CNTNAP5: variants seen among roughly 807,000 people sequenced by gnomAD.
The protein encoded by CNTNAP5 is contactin associated protein family member 5, also known as contactin-associated protein-like 5.
In CNTNAP5, 72 loss-of-function variants were observed where a neutral mutation model predicts 150.2. That is an observed-to-expected ratio of 0.48 (90% CI 0.40 to 0.58). The LOEUF (loss-of-function observed/expected upper bound fraction) is 0.58. Ranked by LOEUF, CNTNAP5 falls within the 20% of genes least tolerant of loss-of-function variation. The probability of loss-of-function intolerance (pLI) is 0.00; values close to 1 mark genes in which losing one functional copy is unlikely to be tolerated. For missense variants in CNTNAP5, 1,636 were observed against 1,626.2 expected (o/e 1.01, Z -0.10); for synonymous variants, 672 against 619.8 (o/e 1.08, Z -1.25).
chr2:124,072,062 C>T (rs1037479560), intron 1 of CNTNAP5, among the ~76,000 whole-genome samples: 2 of 151,948 alleles, frequency 1.3e-5, no homozygotes, highest in East Asian at 1.9e-4. Flanking sequence ...CCCCATGATG[C>T]AAGCATGGTT....
chr2:124,750,536 C>A (rs1431509334), intron 14 of CNTNAP5, among the ~76,000 whole-genome samples: 1 of 152,174 alleles, frequency 6.6e-6, no homozygotes, highest in Non-Finnish European at 1.5e-5. Context: ...TTATCACTTA[C>A]TTAGTGCCTA....
intron 3 of CNTNAP5, among the ~76,000 whole-genome samples, chr2:124,376,008 T>C (rs1363076682): frequency 6.6e-6 from 1 of 152,058 alleles, no homozygotes; most frequent in Admixed American, 6.6e-5. Flanking sequence ...GAATCAGGTT[T>C]GGATGAGTAC....
chr2:124,560,297 C>T (rs1193752171), intron 10 of CNTNAP5, among the ~76,000 whole-genome samples: 1 of 152,070 alleles, frequency 6.6e-6, no homozygotes, highest in East Asian at 1.9e-4. Flanking sequence ...CACCTGAGGT[C>T]AGGAGTTCCA....
At position 124,221,420 on chromosome 2, in the gene CNTNAP5, C is replaced by A. The variant is rs543391642; in HGVS notation, c.83-285C>A. Among the ~76,000 whole-genome samples, 214 of 152,182 alleles carry A rather than the reference C, an allele frequency of 1.4e-3. 2 individuals carry two copies. Among genetic ancestry groups the A allele is most frequent in the South Asian group, 4.1e-3 (20 of 4,824 alleles). On this transcript the variant is annotated intron_variant, in intron 1 of 23. Transcript: ENST00000682447. ...AGTTGGGTTTTTGAGTCAGACAAAT[C>A]TAGGTGACAATTCTGGCTGCGCTAT...
intron 1 of CNTNAP5, among the ~76,000 whole-genome samples, chr2:124,070,021 A>T (rs1162495274): frequency 6.6e-6 from 1 of 152,162 alleles, no homozygotes; most frequent in Non-Finnish European, 1.5e-5. Context: ...AAAGAGAAAC[A>T]ATAAAAAGTT....
intron 8 of CNTNAP5, among the ~76,000 whole-genome samples, chr2:124,518,893 C>A (rs1207769288): frequency 6.7e-6 from 1 of 149,522 alleles, no homozygotes; most frequent in East Asian, 2.0e-4. Context: ...GGAGGCTGAG[C>A]CAGGAGAATC....
chr2:124,860,328 C>T (rs1475381087), intron 19 of CNTNAP5, among the ~76,000 whole-genome samples: 11 of 151,564 alleles, frequency 7.3e-5, no homozygotes, highest in East Asian at 3.9e-4. Context: ...CCAGTCTGGG[C>T]GACAGAGCGA....
chr2:124,715,293 T>A (rs12472896), intron 13 of CNTNAP5, among the ~76,000 whole-genome samples: 24,753 of 152,160 alleles, frequency 0.16, 2,288 homozygotes, highest in East Asian at 0.24. Context: ...TTAGATCTTG[T>A]TACTTAGAAA....
In CNTNAP5 at chr2:124,771,085, G is replaced by A. The variant is rs796848243; in HGVS notation, c.2534-1714G>A. Among the ~76,000 whole-genome samples, 26 of 152,264 alleles carry A rather than the reference G, an allele frequency of 1.7e-4. 1 individual carries two copies. The highest frequency in any genetic ancestry group is 6.0e-4 in the African/African-American group (25 of 41,550). ...TCAGATACTCAAAATTCTGTGTAAT[G>A]CGGACTTTGATGGAGGCTGCTTTCA... On this transcript the variant is annotated intron_variant, in intron 16 of 23. Coordinates refer to ENST00000682447, the MANE Select transcript of CNTNAP5 (RefSeq NM_001367498.1).
rs117710581 is a variant in CNTNAP5, at chr2:124,333,468, C to T, written c.382-83975C>T. On this transcript the variant is annotated intron_variant, in intron 3 of 23. Transcript: ENST00000682447. ...GCACAGAGAAAGAACATAAGTTTTT[C>T]CAAGAAGGTGTTTGGGTTTGTCAGG... 6.1e-3 allele frequency among the ~76,000 whole-genome samples: 927 copies of T among 152,026 alleles called. 3 individuals carry two copies. The highest frequency in any genetic ancestry group is 0.026 in the East Asian group (133 of 5,168).
At chr2:124,090,287 A>G (rs1682784020) in intron 1 of CNTNAP5, among the ~76,000 whole-genome samples, 1 of 152,226 alleles carries the variant, frequency 6.6e-6, no homozygotes, top group East Asian at 1.9e-4. Flanking sequence ...AAATAAAAAA[A>G]GAACCAATTA....
chr2:124,214,336 G>C (rs1399061785), intron 1 of CNTNAP5, among the ~76,000 whole-genome samples: 1 of 152,198 alleles, frequency 6.6e-6, no homozygotes, highest in Non-Finnish European at 1.5e-5. Flanking sequence ...GAATCCCAGA[G>C]CCCTCTTGTT....
chr2:124,491,969 G>GT (rs1300711285), intron 7 of CNTNAP5, among the ~76,000 whole-genome samples: 2 of 151,844 alleles, frequency 1.3e-5, no homozygotes, highest in African/African-American at 4.8e-5. Flanking sequence ...TGTTTGTTTT[G>GT]TTTTTTGCTA....
chr2:124,683,755 G>T (rs1450490550), intron 13 of CNTNAP5, among the ~76,000 whole-genome samples: 2 of 152,104 alleles, frequency 1.3e-5, no homozygotes, highest in Non-Finnish European at 2.9e-5. Flanking sequence ...GACACGCTAA[G>T]TTATATATGT....
intron 3 of CNTNAP5, among the ~76,000 whole-genome samples, chr2:124,252,838 T>G (rs746485381): frequency 5.9e-5 from 9 of 152,090 alleles, no homozygotes; most frequent in South Asian, 2.1e-4. Context: ...AATAAGAATA[T>G]CTCATAAACC....
intron 1 of CNTNAP5, among the ~76,000 whole-genome samples, chr2:124,215,900 G>A (rs371791105): frequency 3.6e-4 from 55 of 152,174 alleles, no homozygotes; most frequent in South Asian, 1.7e-3. Context: ...TTCTGCAAAG[G>A]TGCCAGAAAA....
intron 3 of CNTNAP5, among the ~76,000 whole-genome samples, chr2:124,385,348 A>G (rs192811281): frequency 1.3e-5 from 2 of 152,286 alleles, no homozygotes; most frequent in African/African-American, 2.4e-5. Flanking sequence ...AGAATTTTGC[A>G]TGCATCATTT....
chr2:124,854,138 C>T (rs1677295267), intron 19 of CNTNAP5, among the ~76,000 whole-genome samples: 1 of 152,120 alleles, frequency 6.6e-6, no homozygotes, highest in African/African-American at 2.4e-5. Context: ...TGTACTTCAA[C>T]CCTTATAACC....
chr2:124,191,551 G>A (rs1022340920), intron 1 of CNTNAP5, among the ~76,000 whole-genome samples: 10 of 152,200 alleles, frequency 6.6e-5, no homozygotes, highest in African/African-American at 2.4e-4. Flanking sequence ...GCCAAATATG[G>A]CAGTGTGCTT....
Sources: gnomAD v4.1 joint callset for allele counts (sites outside exome capture counted in the v4.1 genomes callset) on GRCh38, gnomAD v4.1.1 for gene constraint, MANE v1.5 for transcripts, NCBI Gene and HGNC (gene_info 2026-07-23, HGNC 2026-07-21) for gene names.